The following WNT9B variants were observed in gnomAD, a reference collection of about 807,000 sequenced individuals.
WNT9B encodes Wnt family member 9B.
A neutral mutation model predicts 30.2 loss-of-function variants in WNT9B; 12 were observed. The ratio of observed to expected loss-of-function variants is 0.40; its 90% CI spans 0.26 to 0.64. The LOEUF is 0.64. Among genes scored for constraint, WNT9B ranks in the 30% least tolerant of loss-of-function variants. The pLI, the probability that WNT9B is intolerant of heterozygous loss-of-function variation, is 0.42. For missense variants in WNT9B, 442 were observed against 485.2 expected, an observed-to-expected ratio of 0.91 and a Z score of 0.84; for synonymous variants, 218 against 216.9, an observed-to-expected ratio of 1.01 and a Z score of -0.05.
At chr17:46,863,151 C>T (rs951374992) in intron 1 of WNT9B, among the ~76,000 whole-genome samples, 2 of 152,188 alleles carry the variant, frequency 1.3e-5, no homozygotes, top group African/African-American at 2.4e-5. Context: ...AGAGCCACGC[C>T]CTCCCAAAGC....
chr17:46,869,062 T>G (rs1176617783), intron 1 of WNT9B, among the ~76,000 whole-genome samples: 1 of 152,248 alleles, frequency 6.6e-6, no homozygotes, highest in African/African-American at 2.4e-5. Flanking sequence ...CCAGGCTGTC[T>G]TCATGGGCCC....
upstream of WNT9B, among the ~76,000 whole-genome samples, chr17:46,848,360 C>T (rs2084801714): frequency 6.6e-6 from 1 of 152,224 alleles, no homozygotes; most frequent in Admixed American, 6.5e-5. Flanking sequence ...CTGAAAACAA[C>T]ACTTGTTTCC....
chr17:46,848,813 G>A (rs950629065), upstream of WNT9B, among the ~76,000 whole-genome samples: 12 of 152,202 alleles, frequency 7.9e-5, no homozygotes, highest in East Asian at 3.8e-4. Context: ...CACCTGCTAC[G>A]TCAGCTCTCC....
chr17:46,881,076 CT>C (rs1486952908), downstream of WNT9B, among the ~76,000 whole-genome samples: 12 of 152,362 alleles, frequency 7.9e-5, no homozygotes, highest in Admixed American at 7.2e-4. Context: ...TTTGGGAGGC[CT>C]CGCCCACCAG....
intron 1 of WNT9B, among the ~76,000 whole-genome samples, chr17:46,845,153 T>C (rs1197529478): frequency 6.6e-6 from 1 of 152,174 alleles, no homozygotes; most frequent in African/African-American, 2.4e-5. Flanking sequence ...CTGGTCTCCT[T>C]CCTCCTTCTT....
intron 1 of WNT9B, among the ~76,000 whole-genome samples, chr17:46,863,889 G>T (rs2085086352): frequency 6.6e-6 from 1 of 152,160 alleles, no homozygotes; most frequent in African/African-American, 2.4e-5. Flanking sequence ...ACTACTCTGG[G>T]GGTGGATCCT....
intron 1 of WNT9B, among the ~76,000 whole-genome samples, chr17:46,846,370 C>T (rs374043808): frequency 2.8e-4 from 43 of 152,346 alleles, no homozygotes; most frequent in African/African-American, 1.0e-3. Flanking sequence ...CTCAGTACCA[C>T]TATGGGAGGA....
Position 46,877,160 on chromosome 17 carries a change from C to G in WNT9B, c.*442C>G. ...AGGCAGTGCCAGCTGGAAGTGAAGG[C>G]GGGAGCCTGGCTGAGATGGGTCAAT... On this transcript the variant is annotated 3_prime_UTR_variant, in exon 4 of 4. Transcript: ENST00000290015. 3 of 905,600 alleles carry G rather than the reference C, an allele frequency of 3.3e-6. No individual in the cohort carries two copies. In the South Asian group the frequency reaches 1.5e-4, roughly 46 times the overall value. The allele number at this position is 905,600 out of a possible 1,614,324, so 56.1% of individuals were successfully genotyped here. A position where few individuals can be genotyped will look rare whatever the true frequency, so the allele number is the denominator to read the frequency against.
chr17:46,839,932 CTTTCTT>C (rs2084681692), intron 1 of WNT9B, among the ~76,000 whole-genome samples: 1 of 138,288 alleles, frequency 7.2e-6, no homozygotes, highest in South Asian at 2.4e-4. Context: ...TTCTTTCTTT[CTTTCTT>C]TCTTTCTTTC....
At chr17:46,854,403 G>A (rs545062996) in intron 1 of WNT9B, among the ~76,000 whole-genome samples, 8 of 152,196 alleles carry the variant, frequency 5.3e-5, no homozygotes, top group Middle Eastern at 3.4e-3. Context: ...CAGGAGGGCA[G>A]GTGAGGCCGA....
intron 1 of WNT9B, among the ~76,000 whole-genome samples, chr17:46,857,533 A>G (rs2084959266): frequency 6.6e-6 from 1 of 152,122 alleles, no homozygotes; most frequent in Non-Finnish European, 1.5e-5. Flanking sequence ...ACTATTCCAA[A>G]TAAAGCTGGT....
At chr17:46,874,969 C>T in intron 2 of WNT9B, 132 bp from the exon 3 acceptor site, 3 of 1,416,958 alleles carry the variant, frequency 2.1e-6, no homozygotes, top group East Asian at 2.3e-5. Context: ...AAGCCACATT[C>T]TCTTGTCCTG....
At position 46,866,354 on chromosome 17, in the gene WNT9B, G is replaced by C. The variant is rs550443226; in HGVS notation, c.78-6163G>C. ...CAGGAGGGGCTAGGGGTGTGTGAGA[G>C]TGTGTGTGTGAGTGTGTATGTGCGT... On this transcript the variant is annotated intron_variant, in intron 1 of 3. Transcript: ENST00000290015. Among the ~76,000 whole-genome samples, 6 of 152,200 alleles carry C rather than the reference G, an allele frequency of 3.9e-5. No individual in the cohort carries two copies. In the East Asian group the frequency reaches 1.2e-3, roughly 29 times the overall value.
At chr17:46,841,090 C>T (rs181342829) in intron 1 of WNT9B, among the ~76,000 whole-genome samples, 64 of 152,268 alleles carry the variant, frequency 4.2e-4, no homozygotes, top group Non-Finnish European at 4.9e-4. Flanking sequence ...AGGCTTATCC[C>T]TAGGAAAGAG....
chr17:46,847,018 A>T (rs890645984), upstream of WNT9B, among the ~76,000 whole-genome samples: 17 of 152,224 alleles, frequency 1.1e-4, no homozygotes, highest in African/African-American at 4.1e-4. Flanking sequence ...ATGTATTGTT[A>T]TGTATTTTTC....
chr17:46,848,077 A>G (rs987365384), upstream of WNT9B, among the ~76,000 whole-genome samples: 1 of 152,018 alleles, frequency 6.6e-6, no homozygotes, highest in Non-Finnish European at 1.5e-5. Context: ...GGAGACAGGT[A>G]GCTGCATGTG....
chr17:46,875,074 C>T (rs776620365), intron 2 of WNT9B, 27 bp from the exon 3 acceptor site: 12 of 1,613,358 alleles, frequency 7.4e-6, no homozygotes, highest in Non-Finnish European at 1.0e-5. Context: ...TTTCCTCCCT[C>T]CCTATGCCCC....
At chr17:46,864,244 G>T (rs967218271) in intron 1 of WNT9B, among the ~76,000 whole-genome samples, 1 of 152,190 alleles carries the variant, frequency 6.6e-6, no homozygotes, top group Non-Finnish European at 1.5e-5. Context: ...CCAGTACCCT[G>T]GTTGGGTAGG....
At chr17:46,856,546 G>A (rs1331796948) in intron 1 of WNT9B, among the ~76,000 whole-genome samples, 1 of 150,506 alleles carries the variant, frequency 6.6e-6, no homozygotes, top group Non-Finnish European at 1.5e-5. Flanking sequence ...ATGCAGTGGT[G>A]CAATCTCGGC....
Sources: gnomAD v4.1 joint callset for allele counts (sites outside exome capture counted in the v4.1 genomes callset) on GRCh38, gnomAD v4.1.1 for gene constraint, MANE v1.5 for transcripts, NCBI Gene and HGNC (gene_info 2026-07-23, HGNC 2026-07-21) for gene names.